The following PCDHA1 variants were observed in gnomAD, a reference collection of about 807,000 sequenced individuals.
PCDHA1 encodes protocadherin alpha-1.
A neutral mutation model predicts 61.3 loss-of-function variants in PCDHA1; 42 were observed. The observed-to-expected ratio is 0.69, with a 90% CI of 0.54 to 0.89. PCDHA1 has a LOEUF of 0.89. Ranked by LOEUF, PCDHA1 falls within the 40% of genes least tolerant of loss-of-function variation. The pLI is 0.00. For missense variants in PCDHA1, 1,256 were observed against 1,235.3 expected (o/e 1.02, Z -0.25); for synonymous variants, 610 against 553.8 (o/e 1.10, Z -1.43).
At chr5:140,887,629 T>C (rs2061519169) in intron 1 of PCDHA1, among the ~76,000 whole-genome samples, 1 of 152,128 alleles carries the variant, frequency 6.6e-6, no homozygotes, top group Non-Finnish European at 1.5e-5. Flanking sequence ...TTTATGTTAG[T>C]CTGTTGGGGT....
intron 1 of PCDHA1, among the ~76,000 whole-genome samples, chr5:140,891,837 G>T (rs563744812): frequency 2.9e-4 from 44 of 152,264 alleles, no homozygotes; most frequent in Admixed American, 1.9e-3. Flanking sequence ...AAAAGGACTT[G>T]ATGGAAGGAG....
intron 1 of PCDHA1, among the ~76,000 whole-genome samples, chr5:140,974,062 G>T (rs1014435483): frequency 2.0e-5 from 3 of 152,222 alleles, no homozygotes; most frequent in Non-Finnish European, 4.4e-5. Context: ...ATTTGGAGCA[G>T]TATAATCTAT....
At chr5:140,882,755 G>A in intron 1 of PCDHA1, 2 of 1,614,230 alleles carry the variant, frequency 1.2e-6, no homozygotes, top group Non-Finnish European at 1.7e-6. Context: ...TGCAGATATT[G>A]GAGTAAACTC....
In PCDHA1 at chr5:140,882,900, T is replaced by C. The variant is rs151159619; in HGVS notation, c.2394+94216T>C. 8.7e-6 allele frequency: 14 copies of C among 1,614,106 alleles called. No individual in the cohort carries two copies. In the African/African-American group the frequency reaches 1.2e-4, roughly 14 times the overall value. The stretch of plus-strand genomic sequence containing the variant: ...GAGGAAATTCAGGAACATAGTTTAT[T>C]ACTGACAGCCAGTGATGGAGGTAAA... On this transcript the variant is annotated intron_variant, in intron 1 of 3. Transcript: ENST00000504120.
At position 140,836,743 on chromosome 5, in the gene PCDHA1, G is replaced by A. The variant is rs143805132; in HGVS notation, c.2394+48059G>A. The A allele has an allele frequency of 3.8e-4, 606 of 1,593,492 alleles. 2 individuals carry two copies. Among genetic ancestry groups the A allele is most frequent in the Non-Finnish European group, 4.1e-4 (480 of 1,171,798 alleles). ...GGTCCATCCTCTACAGACAATGTGA[G>A]TCATAAATAATCTTGTTTCCAACAA... On this transcript the variant is annotated intron_variant, in intron 1 of 3. Transcript: ENST00000504120.
chr5:140,945,246 G>A (rs1257337219), intron 1 of PCDHA1, among the ~76,000 whole-genome samples: 1 of 151,864 alleles, frequency 6.6e-6, no homozygotes, highest in African/African-American at 2.4e-5. Context: ...TTAACCAAGA[G>A]GATGAAAGAC....
intron 1 of PCDHA1, among the ~76,000 whole-genome samples, chr5:140,933,870 T>C (rs2089481018): frequency 6.6e-6 from 1 of 152,092 alleles, no homozygotes. Context: ...CAGATATATG[T>C]TAGTTTTATC....
intron 1 of PCDHA1, among the ~76,000 whole-genome samples, chr5:140,915,441 A>G (rs2077120331): frequency 6.6e-6 from 1 of 152,052 alleles, no homozygotes; most frequent in African/African-American, 2.4e-5. Context: ...GTCCTTCTTG[A>G]GAAGGTTTTC....
intron 1 of PCDHA1, chr5:140,828,686 T>A: frequency 6.2e-7 from 1 of 1,614,164 alleles, no homozygotes; most frequent in Non-Finnish European, 8.5e-7. Context: ...ATTAAAGAAA[T>A]CCTTGGACAG....
At chr5:140,841,059 A>C in intron 1 of PCDHA1, 1 of 449,736 alleles carries the variant, frequency 2.2e-6, no homozygotes, top group Non-Finnish European at 3.9e-6. Context: ...CTATTAAATT[A>C]TGATAAAGAA....
intron 1 of PCDHA1, among the ~76,000 whole-genome samples, chr5:140,908,850 C>T (rs1234928966): frequency 6.6e-6 from 1 of 152,160 alleles, no homozygotes; most frequent in Non-Finnish European, 1.5e-5. Flanking sequence ...GTAACATACC[C>T]AAATGAGGAA....
At chr5:140,803,323 G>C in intron 1 of PCDHA1, 1 of 1,614,176 alleles carries the variant, frequency 6.2e-7, no homozygotes, top group Non-Finnish European at 8.5e-7. Context: ...GCGGTGTCCA[G>C]TCTGTTGGTG....
intron 1 of PCDHA1, chr5:140,808,924 G>C: frequency 6.2e-7 from 1 of 1,613,692 alleles, no homozygotes; most frequent in Non-Finnish European, 8.5e-7. Flanking sequence ...CAGTGAGCGA[G>C]CTGGTGCCAT....
intron 1 of PCDHA1, chr5:140,807,095 G>A: frequency 7.2e-7 from 1 of 1,383,826 alleles, no homozygotes; most frequent in Non-Finnish European, 9.9e-7. Context: ...TCTGAAATAT[G>A]GAGGATGCAG....
At chr5:140,803,669 T>C (rs1554122921) in intron 1 of PCDHA1, 1 of 1,600,140 alleles carries the variant, frequency 6.2e-7, no homozygotes, top group African/African-American at 1.3e-5. Flanking sequence ...TGGAAATACA[T>C]TAATAGTTAA....
intron 1 of PCDHA1, among the ~76,000 whole-genome samples, chr5:140,914,503 T>C (rs2879076): frequency 0.12 from 17,707 of 152,222 alleles, 1,150 homozygotes; most frequent in Middle Eastern, 0.19. Context: ...CAACAGATCA[T>C]TGGGTCATGT....
chr5:140,809,528 G>C (rs781993408), intron 1 of PCDHA1: 10 of 1,614,046 alleles, frequency 6.2e-6, no homozygotes, highest in Non-Finnish European at 7.6e-6. Flanking sequence ...TGACTCTAGG[G>C]ACAGAGAAGA....
intron 3 of PCDHA1, among the ~76,000 whole-genome samples, chr5:140,992,394 G>A (rs1338899804): frequency 2.0e-5 from 3 of 152,170 alleles, no homozygotes; most frequent in African/African-American, 7.2e-5. Flanking sequence ...TCTGGACTTA[G>A]AGATATTGTT....
chr5:140,862,289 G>T (rs782742229), intron 1 of PCDHA1: 4 of 264,626 alleles, frequency 1.5e-5, no homozygotes, highest in Non-Finnish European at 3.0e-5. Context: ...TGTACAGGAG[G>T]ACGCTCCACT....
Sources: gnomAD v4.1 joint callset for allele counts (sites outside exome capture counted in the v4.1 genomes callset) on GRCh38, gnomAD v4.1.1 for gene constraint, MANE v1.5 for transcripts, NCBI Gene and HGNC (gene_info 2026-07-23, HGNC 2026-07-21) for gene names.